Variants in ADGRV1 observed in about 807,000 individuals in gnomAD.
The protein encoded by ADGRV1 is adhesion G protein-coupled receptor V1, also known as G-protein coupled receptor 98.
ADGRV1 carries 359 observed loss-of-function variants against 596.2 expected under a neutral mutation model. That is an observed-to-expected ratio of 0.60 (90% CI 0.55 to 0.66). The LOEUF is 0.66. ADGRV1 is among the 30% of genes least tolerant of loss of function. ADGRV1 has a pLI of 0.00. For missense variants in ADGRV1, 7,274 were observed against 7,575.6 expected (o/e 0.96, Z 1.48); for synonymous variants, 2,681 against 2,679.2 (o/e 1.00, Z -0.02).
At chr5:90,640,225 A>G (rs1766788075) in intron 11 of ADGRV1, among the ~76,000 whole-genome samples, 2 of 152,118 alleles carry the variant, frequency 1.3e-5, no homozygotes, top group South Asian at 4.1e-4. Context: ...AATGAAATAC[A>G]CTGTGGATTT....
At chr5:91,043,028 C>A (rs1404551172) in intron 85 of ADGRV1, among the ~76,000 whole-genome samples, 1 of 152,056 alleles carries the variant, frequency 6.6e-6, no homozygotes, top group Admixed American at 6.6e-5. Flanking sequence ...ACAGTCTGAG[C>A]TTTGTATGGT....
intron 86 of ADGRV1, among the ~76,000 whole-genome samples, chr5:91,087,499 A>G (rs1408281792): frequency 1.3e-5 from 2 of 149,380 alleles, no homozygotes; most frequent in Non-Finnish European, 3.0e-5. Context: ...ATGGGCTTTC[A>G]CCATGTTGAC....
At chr5:90,736,599 G>A (rs1013602157) in intron 50 of ADGRV1, among the ~76,000 whole-genome samples, 4 of 151,836 alleles carry the variant, frequency 2.6e-5, no homozygotes, top group Admixed American at 2.0e-4. Flanking sequence ...TCAGGTTCTG[G>A]GACTTTCTTT....
chr5:90,960,815 A>G (rs2150950911), intron 83 of ADGRV1, among the ~76,000 whole-genome samples: 1 of 152,344 alleles, frequency 6.6e-6, no homozygotes, highest in South Asian at 2.1e-4. Flanking sequence ...ATGAAGAAGT[A>G]TGTTTAGGGA....
rs569305259 is a variant in ADGRV1 at position 90,911,789 on chromosome 5, A to T, written c.17856+47932A>T. On this transcript the variant is annotated intron_variant, in intron 83 of 89. Coordinates refer to ENST00000405460, the MANE Select transcript of ADGRV1 (RefSeq NM_032119.4). ...TAGAAGATTATAAGCTTTTGGAATC[A>T]GAAACAATGTCATAGACTTTTCTTT... 2.0e-5 allele frequency among the ~76,000 whole-genome samples: 3 copies of T among 152,286 alleles called. No homozygotes were observed. The East Asian group carries it at 5.8e-4, about 29-fold the overall frequency.
intron 85 of ADGRV1, chr5:91,031,169 A>G (rs1177157876): frequency 2.7e-6 from 4 of 1,455,288 alleles, no homozygotes; most frequent in African/African-American, 2.8e-5. Flanking sequence ...ATAATTGTCC[A>G]CAACCAAAAA....
At position 90,937,054 on chromosome 5, in the gene ADGRV1, T is replaced by A. The variant is rs144471295; in HGVS notation, c.17857-28361T>A. 6.9e-3 allele frequency among the ~76,000 whole-genome samples: 1,054 copies of A among 152,292 alleles called. 6 individuals are homozygous for A. Among genetic ancestry groups the A allele is most frequent in the Middle Eastern group, 0.027 (8 of 294 alleles). ...GAAGTTTATTGTCAGTCCATTATTC[T>A]AATGTAGATAATTTGTATTTTCTCC... On this transcript the variant is annotated intron_variant, in intron 83 of 89. Transcript: ENST00000405460.
intron 70 of ADGRV1, among the ~76,000 whole-genome samples, chr5:90,798,601 A>C (rs1045751616): frequency 6.6e-6 from 1 of 152,232 alleles, no homozygotes; most frequent in Non-Finnish European, 1.5e-5. Context: ...TCTGATACCA[A>C]AACCTGACAG....
chr5:90,578,556 T>G (rs1406499147), intron 1 of ADGRV1, among the ~76,000 whole-genome samples: 1 of 152,220 alleles, frequency 6.6e-6, no homozygotes, highest in African/African-American at 2.4e-5. Context: ...TCATCAGGGA[T>G]ATTGGTCTAA....
intron 1 of ADGRV1, among the ~76,000 whole-genome samples, chr5:90,606,510 A>T (rs1762125522): frequency 6.6e-6 from 1 of 152,150 alleles, no homozygotes; most frequent in Non-Finnish European, 1.5e-5. Flanking sequence ...ACAAAGAAGG[A>T]AACAAAAGGG....
At chr5:90,829,516 G>A (rs905898969) in intron 77 of ADGRV1, among the ~76,000 whole-genome samples, 4 of 152,160 alleles carry the variant, frequency 2.6e-5, no homozygotes, top group Admixed American at 2.6e-4. Flanking sequence ...GAAGCAGAAA[G>A]TGAGGATCTT....
At chr5:90,692,189 ATAAT>A (rs2149629235) in intron 31 of ADGRV1, among the ~76,000 whole-genome samples, 1 of 152,236 alleles carries the variant, frequency 6.6e-6, no homozygotes, top group East Asian at 1.9e-4. Context: ...ATTTTGTCAA[ATAAT>A]TTTATTTAAG....
At chr5:90,793,957 G>A (rs1298052499) in intron 70 of ADGRV1, among the ~76,000 whole-genome samples, 1 of 152,138 alleles carries the variant, frequency 6.6e-6, no homozygotes, top group Non-Finnish European at 1.5e-5. Context: ...AGTCTTCCAA[G>A]GAACTGTTTG....
intron 85 of ADGRV1, among the ~76,000 whole-genome samples, chr5:91,016,922 A>T (rs1321620462): frequency 3.3e-5 from 5 of 151,920 alleles, no homozygotes; most frequent in Non-Finnish European, 2.9e-5. Flanking sequence ...AGAAACAGAG[A>T]AGAGAACTTT....
At chr5:90,785,040 C>G (rs1759277144) in intron 67 of ADGRV1, among the ~76,000 whole-genome samples, 1 of 152,062 alleles carries the variant, frequency 6.6e-6, no homozygotes, top group Non-Finnish European at 1.5e-5. Flanking sequence ...CTACAGTAAC[C>G]AAAACAGCGT....
At chr5:90,743,471 CTTTTTT>C (rs10942607) in intron 50 of ADGRV1, among the ~76,000 whole-genome samples, 107 of 120,920 alleles carry the variant, frequency 8.8e-4, no homozygotes, top group African/African-American at 3.2e-3. Flanking sequence ...CATTTGATAT[CTTTTTT>C]TTTTTTTTTT....
intron 73 of ADGRV1, among the ~76,000 whole-genome samples, chr5:90,808,538 C>T (rs1346767309): frequency 6.6e-6 from 1 of 152,084 alleles, no homozygotes; most frequent in African/African-American, 2.4e-5. Context: ...AATGTTCATC[C>T]AGAGAACATA....
At chr5:90,672,363 A>G (rs192094812) in intron 21 of ADGRV1, among the ~76,000 whole-genome samples, 183 bp from the exon 22 acceptor site, 1 of 152,336 alleles carries the variant, frequency 6.6e-6, no homozygotes, top group East Asian at 1.9e-4. Context: ...AAAATGAATG[A>G]TTGTAAATAT....
intron 85 of ADGRV1, among the ~76,000 whole-genome samples, chr5:91,065,708 A>G (rs1411747976): frequency 6.6e-6 from 1 of 152,244 alleles, no homozygotes; most frequent in East Asian, 1.9e-4. Flanking sequence ...AAGTGAAAAC[A>G]TTTCAGTAAG....
Sources: gnomAD v4.1 joint callset for allele counts (sites outside exome capture counted in the v4.1 genomes callset) on GRCh38, gnomAD v4.1.1 for gene constraint, MANE v1.5 for transcripts, NCBI Gene and HGNC (gene_info 2026-07-23, HGNC 2026-07-21) for gene names.